Variants in GRK3 observed in about 807,000 individuals in gnomAD.
The protein encoded by GRK3 is adrenergic, beta, receptor kinase 2.
In GRK3, 54 loss-of-function variants were observed where a neutral mutation model predicts 95.7. The observed-to-expected ratio is 0.56, with a 90% confidence interval of 0.45 to 0.71. The LOEUF is 0.71. Among genes scored for constraint, GRK3 ranks in the 30% least tolerant of loss-of-function variants. GRK3 has a pLI of 0.00. For synonymous variants in GRK3, 281 were observed against 290.8 expected (o/e 0.97, Z 0.34); for missense variants, 649 against 851.2 (o/e 0.76, Z 2.96).
Position 25,722,551 on chromosome 22 carries a change from C to T in GRK3, c.*101C>T, listed in dbSNP as rs2085441689. 2 of 1,297,530 alleles carry T rather than the reference C, an allele frequency of 1.5e-6. No homozygotes were observed. The highest frequency in any genetic ancestry group is 2.2e-5 in the Admixed American group (1 of 46,214). 80.4% of individuals were successfully genotyped at this position (1,297,530 alleles called of 1,614,324 possible). A position where few individuals can be genotyped will look rare whatever the true frequency, so the allele number is the denominator to read the frequency against. ...TCTGATCTATTCGCTACCGGGACTC[C>T]TCCAGGCTCCCGAGAGGAGTCGGGA... is the stretch of plus-strand genomic sequence containing the variant. On this transcript the variant is annotated 3_prime_UTR_variant, in exon 21 of 21. Coordinates refer to ENST00000324198, the MANE Select transcript of GRK3 (RefSeq NM_005160.4).
At chr22:25,578,171 CCA>C (rs926706565) in intron 1 of GRK3, among the ~76,000 whole-genome samples, 7 of 151,666 alleles carry the variant, frequency 4.6e-5, no homozygotes, top group Non-Finnish European at 8.8e-5. Flanking sequence ...CTTATCATCC[CCA>C]GTCTTTAAAA....
At position 25,690,271 on chromosome 22, in the gene GRK3, C is replaced by G. The variant is rs1055901517; in HGVS notation, c.1040C>G (p.Pro347Arg). 1 of 1,613,196 alleles carries G rather than the reference C, an allele frequency of 6.2e-7. No homozygotes were observed. The highest frequency in any genetic ancestry group is 8.5e-7 in the Non-Finnish European group (1 of 1,179,140). ...GLACDFSKKK[P>R]HASVGTHGYM... Reference sequence around the variant, plus strand: ...GCCTGCGATTTTTCCAAAAAGAAGCCTCATGCGAGTGTGTAAGTAGTGCGT... The same window carrying G: ...GCCTGCGATTTTTCCAAAAAGAAGCGTCATGCGAGTGTGTAAGTAGTGCGT... Residue 347 changes from proline to arginine, a missense_variant, in exon 12 of 21, where the codon CCT (proline) becomes CGT (arginine). Physicochemically the swap from Pro to Arg is moderately radical, Grantham distance 103. Coordinates refer to ENST00000324198, the MANE Select transcript of GRK3 (RefSeq NM_005160.4).
At chr22:25,592,525 C>G (rs909257699) in intron 1 of GRK3, among the ~76,000 whole-genome samples, 4 of 151,998 alleles carry the variant, frequency 2.6e-5, no homozygotes, top group Non-Finnish European at 5.9e-5. Flanking sequence ...TGTTTTTGCT[C>G]TCATGTCTAA....
At chr22:25,684,606 G>T (rs1438861313) in intron 9 of GRK3, 1 of 152,212 alleles carries the variant, frequency 6.6e-6, no homozygotes, top group African/African-American at 2.4e-5. Context: ...ATTGAAATGG[G>T]TATTTGAATA....
chr22:25,588,774 AT>A (rs569905752), intron 1 of GRK3, among the ~76,000 whole-genome samples: 11,182 of 139,712 alleles, frequency 0.08, 563 homozygotes, highest in African/African-American at 0.17. Context: ...TAGTTCATTA[AT>A]TTTTTTTTTT....
At chr22:25,664,669 C>T (rs527470069) in intron 5 of GRK3, among the ~76,000 whole-genome samples, 80 of 151,904 alleles carry the variant, frequency 5.3e-4, no homozygotes, top group East Asian at 1.9e-3. Flanking sequence ...CACAGGTGCC[C>T]GCCAGCATGC....
At position 25,726,924 on chromosome 22, in the gene GRK3, TG is replaced by T. The variant is rs2085478877; in HGVS notation, c.*4475del. ...CTCCAAAACACCCCGTGTGTGTGTG[TG>T]TGTGTGTGTGTGTGTGTGTGTGTGT... On this transcript the variant is annotated 3_prime_UTR_variant, in exon 21 of 21. Coordinates refer to ENST00000324198, the MANE Select transcript of GRK3 (RefSeq NM_005160.4). 6.6e-6 allele frequency: 1 copy of T among 150,392 alleles called. No homozygotes were observed. The highest frequency in any genetic ancestry group is 1.5e-5 in the Non-Finnish European group (1 of 67,988). 9.3% of individuals were successfully genotyped at this position (150,392 alleles called of 1,614,324 possible). A position where few individuals can be genotyped will look rare whatever the true frequency, so the allele number is the denominator to read the frequency against.
intron 18 of GRK3, 31 bp downstream of exon 18, chr22:25,714,601 C>A: frequency 6.5e-7 from 1 of 1,536,748 alleles, no homozygotes; most frequent in South Asian, 1.3e-5. Context: ...CAAAACATTT[C>A]TAATGCAGTA....
chr22:25,574,795 G>A (rs923640914), intron 1 of GRK3, among the ~76,000 whole-genome samples: 6 of 152,178 alleles, frequency 3.9e-5, no homozygotes, highest in African/African-American at 9.6e-5. Context: ...ACAGTAACTG[G>A]GAAGAGAATC....
At chr22:25,578,282 G>T (rs529958598) in intron 1 of GRK3, among the ~76,000 whole-genome samples, 2 of 152,098 alleles carry the variant, frequency 1.3e-5, no homozygotes, top group Non-Finnish European at 2.9e-5. Flanking sequence ...TCTGTTACCT[G>T]TTGTATCAGA....
At chr22:25,574,890 G>C (rs1931837571) in intron 1 of GRK3, among the ~76,000 whole-genome samples, 1 of 152,110 alleles carries the variant, frequency 6.6e-6, no homozygotes, top group Non-Finnish European at 1.5e-5. Flanking sequence ...TTTTGGACCT[G>C]CTTCTTTCTG....
intron 19 of GRK3, among the ~76,000 whole-genome samples, chr22:25,719,196 T>TA (rs60791959): frequency 0.07 from 9,958 of 142,564 alleles, 424 homozygotes; most frequent in East Asian, 0.24. Flanking sequence ...CAAGTGCTGT[T>TA]AAAAAAAAAA....
intron 1 of GRK3, among the ~76,000 whole-genome samples, chr22:25,584,035 A>C (rs1932198030): frequency 6.6e-6 from 1 of 152,266 alleles, no homozygotes; most frequent in Admixed American, 6.5e-5. Context: ...GAGTAAGGAA[A>C]TATGCAAATA....
intron 2 of GRK3, among the ~76,000 whole-genome samples, chr22:25,615,999 C>G (rs6004720): frequency 0.034 from 5,081 of 147,824 alleles, 516 homozygotes; most frequent in African/African-American, 0.13. Context: ...CAGGGGGCTG[C>G]AGGGCAGGGA....
chr22:25,694,885 T>C (rs2085194500), intron 12 of GRK3, among the ~76,000 whole-genome samples: 1 of 152,238 alleles, frequency 6.6e-6, no homozygotes, highest in South Asian at 2.1e-4. Flanking sequence ...TACATATTTA[T>C]TTCATACGCT....
At chr22:25,713,431 C>G (rs2085359866) in intron 17 of GRK3, among the ~76,000 whole-genome samples, 1 of 152,116 alleles carries the variant, frequency 6.6e-6, no homozygotes, top group South Asian at 2.1e-4. Flanking sequence ...GGAGTAGGCC[C>G]CATATTGGCA....
chr22:25,647,999 C>A, intron 3 of GRK3: 1 of 485,756 alleles, frequency 2.1e-6, no homozygotes, highest in Admixed American at 3.3e-5. Context: ...GCCTGTAATC[C>A]CAGCTACTCA....
In GRK3 at chr22:25,649,864, G is replaced by A. The variant is rs891700918; in HGVS notation, c.264+5199G>A. On this transcript the variant is annotated intron_variant, in intron 3 of 20. Transcript: ENST00000324198. Reference sequence around the variant, plus strand: ...GGAATTTGAAAGTATAATGCAGTACGTTAACATTCATATTAATGGAACTGA... The same window carrying A: ...GGAATTTGAAAGTATAATGCAGTACATTAACATTCATATTAATGGAACTGA... 3.3e-5 allele frequency among the ~76,000 whole-genome samples: 5 copies of A among 152,098 alleles called. No individual in the cohort carries two copies. The East Asian group carries it at 5.8e-4, about 18-fold the overall frequency.
In GRK3 at chr22:25,668,626, C is replaced by T. The variant is rs567899596; in HGVS notation, c.503+826C>T. Among the ~76,000 whole-genome samples the T allele has an allele frequency of 1.3e-4, 20 of 152,264 alleles. No individual in the cohort carries two copies. The South Asian group carries it at 3.3e-3, about 25-fold the overall frequency. The stretch of plus-strand genomic sequence containing the variant: ...GTTGGGAAACTAATATTCTTACAGA[C>T]GATTGTACTTTTCTGAGTAATAGCA... On this transcript the variant is annotated intron_variant, in intron 6 of 20. Coordinates refer to ENST00000324198, the MANE Select transcript of GRK3 (RefSeq NM_005160.4).
Sources: gnomAD v4.1 joint callset for allele counts (sites outside exome capture counted in the v4.1 genomes callset) on GRCh38, gnomAD v4.1.1 for gene constraint, MANE v1.5 for transcripts, NCBI Gene and HGNC (gene_info 2026-07-23, HGNC 2026-07-21) for gene names.